The following MGAM variants were observed in gnomAD, a reference collection of about 807,000 sequenced individuals.
The protein encoded by MGAM is alpha-1,4-glucosidase.
Under a neutral mutation model 358.8 loss-of-function variants are expected in MGAM, and 253 were observed. That is an observed-to-expected ratio of 0.71 (90% confidence interval 0.64 to 0.78). MGAM has a LOEUF of 0.78. Among genes scored for constraint, MGAM ranks in the 30% least tolerant of loss-of-function variants. The pLI is 0.00. For synonymous variants in MGAM, 1,105 were observed against 1,227.1 expected, an observed-to-expected ratio of 0.90 and a Z score of 2.08; for missense variants, 3,080 against 3,432.6, an observed-to-expected ratio of 0.90 and a Z score of 2.57.
rs566342665 is a variant in MGAM at position 142,001,253 on chromosome 7, C to T, written c.-2-4276C>T. 2.6e-5 allele frequency among the ~76,000 whole-genome samples: 4 copies of T among 152,308 alleles called. No individual in the cohort carries two copies. In the South Asian group the frequency reaches 8.3e-4, roughly 32 times the overall value. ...CCTTGCTGTAGAGAAAGGTTGCTTT[C>T]ACAGCTCCATTTCCTTTTGCATAGT... On this transcript the variant is annotated intron_variant, in intron 1 of 70. Coordinates refer to ENST00000475668, the MANE Select transcript of MGAM (RefSeq NM_001365693.1).
rs782801521 is a variant in MGAM, at chr7:142,022,364, T to A, written c.807T>A (p.His269Gln). 3 of 1,613,590 alleles carry A rather than the reference T, an allele frequency of 1.9e-6. No homozygotes were observed. The highest frequency in any genetic ancestry group is 4.5e-5 in the East Asian group (2 of 44,866). ...PSTNVYGLGE[H>Q]VHQQYRHDMN... Reference sequence around the variant, plus strand: ...CTAACGTGTATGGCCTGGGAGAGCATGTGCACCAGCAGTATCGGCATGATA... The same window carrying A: ...CTAACGTGTATGGCCTGGGAGAGCAAGTGCACCAGCAGTATCGGCATGATA... The change falls in exon 7 of 71, where the codon CAT becomes CAA. Residue 269 changes from histidine (H) to glutamine (Q), a missense_variant. His to Gln is a conservative substitution (Grantham distance 24). Transcript: ENST00000475668.
At chr7:142,045,597 G>T (rs1490418886) in intron 21 of MGAM, among the ~76,000 whole-genome samples, 1 of 96,926 alleles carries the variant, frequency 1.0e-5, no homozygotes, top group Admixed American at 1.6e-4. Context: ...TACAATATAT[G>T]AATATATAAT....
chr7:142,102,595 G>T, intron 68 of MGAM, 35 bp from the exon 69 acceptor site: 2 of 1,600,782 alleles, frequency 1.2e-6, no homozygotes, highest in South Asian at 2.2e-5. Flanking sequence ...TACAGCACAG[G>T]TCCAGGCCAT....
Position 142,055,980 on chromosome 7 carries a change from T to C in MGAM, c.3484-20T>C. ...ATAATGTCTTTTAAACTCCTACTGC[T>C]TCTTCCCATGACTCCCCAGTACAAG... is the stretch of plus-strand genomic sequence containing the variant. On this transcript the variant is annotated intron_variant, in intron 28 of 70. Transcript: ENST00000475668. 6.3e-7 allele frequency: 1 copy of C among 1,598,792 alleles called. No individual in the cohort carries two copies. The highest frequency in any genetic ancestry group is 1.1e-5 in the South Asian group (1 of 89,084).
intron 2 of MGAM, among the ~76,000 whole-genome samples, chr7:141,986,753 T>A (rs1803720459): frequency 6.6e-6 from 1 of 152,186 alleles, no homozygotes; most frequent in Non-Finnish European, 1.5e-5. Context: ...TTGATTGAAA[T>A]TACTTACTCT....
rs1205206108 is a variant in MGAM, at chr7:142,078,391, A to G, written c.5567A>G (p.Asp1856Gly). The change falls in exon 48 of 71, where the codon GAT becomes GGT. Residue 1856 changes from aspartate to glycine, a missense_variant. Asp to Gly is a moderately conservative substitution (Grantham distance 94). Around this residue, in one of 5 missense-constraint regions of MGAM, gnomAD observed 932 missense variants for 1,198.2 expected, o/e 0.78. Coordinates refer to ENST00000475668, the MANE Select transcript of MGAM (RefSeq NM_001365693.1). ...YTVEWSIKIR[D>G]EEKIDCYPDE... ...GTGGAGTGGAGCATAAAGATAAGGG[A>G]TGAAGAAAAAATAGACTGTTACCCT... The G allele has an allele frequency of 2.0e-6, 3 of 1,530,400 alleles. No homozygotes were observed. Among genetic ancestry groups the G allele is most frequent in the Non-Finnish European group, 2.7e-6 (3 of 1,118,178 alleles). 94.8% of individuals were successfully genotyped at this position (1,530,400 alleles called of 1,614,324 possible). A position where few individuals can be genotyped will look rare whatever the true frequency, so the allele number is the denominator to read the frequency against.
chr7:142,067,984 A>ATT lies in MGAM; in HGVS notation c.5004+560_5004+561insTT, dbSNP rs1229871526. Among the ~76,000 whole-genome samples, 11 of 5,820 alleles carry ATT rather than the reference A, an allele frequency of 1.9e-3. 1 individual carries two copies. The highest frequency in any genetic ancestry group is 2.8e-3 in the African/African-American group (11 of 3,976). 3.8% of individuals were successfully genotyped at this position (5,820 alleles called of 152,430 possible). A position where few individuals can be genotyped will look rare whatever the true frequency, so the allele number is the denominator to read the frequency against. On this transcript the variant is annotated intron_variant, in intron 42 of 70. Coordinates refer to ENST00000475668, the MANE Select transcript of MGAM (RefSeq NM_001365693.1). The stretch of plus-strand genomic sequence containing the variant: ...TATATAAATATATATATATATATAT[A>ATT]TATTTTTTTTTTTTTTTTTTTGAGA...
At chr7:142,102,833 C>T (rs1370081578) in intron 69 of MGAM, among the ~76,000 whole-genome samples, 154 bp downstream of exon 69, 1 of 152,178 alleles carries the variant, frequency 6.6e-6, no homozygotes, top group Non-Finnish European at 1.5e-5. Context: ...TGGAAATTTA[C>T]TATGCTCCCA....
intron 24 of MGAM, 55 bp downstream of exon 24, chr7:142,050,919 T>C: frequency 6.2e-7 from 1 of 1,610,416 alleles, no homozygotes; most frequent in Non-Finnish European, 8.5e-7. Flanking sequence ...AGCATCGTGA[T>C]GTTCCTTCTT....
chr7:142,005,793 T>C, intron 2 of MGAM, 136 bp downstream of exon 2: 1 of 844,774 alleles, frequency 1.2e-6, no homozygotes, highest in South Asian at 1.8e-5. Flanking sequence ...GTGTGTTCTA[T>C]GTGTTTTGGA....
chr7:142,041,941 TATATATAC>T (rs1808695386), intron 21 of MGAM, among the ~76,000 whole-genome samples: 2 of 15,340 alleles, frequency 1.3e-4, no homozygotes, highest in Non-Finnish European at 2.8e-4. Flanking sequence ...ATATATATTA[TATATATAC>T]ATATATATAA....
rs183610725 is a variant in MGAM, at chr7:142,064,213, C to T, written c.4346-171C>T. ...AACTTGATGTTGGAAACACAGCAGG[C>T]GCCAATGCAGCTCAGAGCTGGGGGC... is the stretch of plus-strand genomic sequence containing the variant. On this transcript the variant is annotated intron_variant, in intron 36 of 70. Coordinates refer to ENST00000475668, the MANE Select transcript of MGAM (RefSeq NM_001365693.1). Among the ~76,000 whole-genome samples the T allele has an allele frequency of 1.6e-3, 250 of 152,282 alleles. 2 individuals carry two copies. The highest frequency in any genetic ancestry group is 2.7e-3 in the Non-Finnish European group (186 of 68,024).
At chr7:142,025,223 G>C in intron 8 of MGAM, 74 bp downstream of exon 8, 1 of 1,146,934 alleles carries the variant, frequency 8.7e-7, no homozygotes, top group South Asian at 1.3e-5. Context: ...TATGATAAAA[G>C]GAATGGATCC....
chr7:142,105,112 G>T (rs888221781), intron 70 of MGAM, among the ~76,000 whole-genome samples: 1 of 152,110 alleles, frequency 6.6e-6, no homozygotes, highest in Admixed American at 6.5e-5. Context: ...GACAGCATCT[G>T]CCTAGGAAGA....
At chr7:142,040,870 T>G (rs745695766) in intron 21 of MGAM, 24 bp downstream of exon 21, 1 of 1,581,828 alleles carries the variant, frequency 6.3e-7, no homozygotes, top group Non-Finnish European at 8.6e-7. Flanking sequence ...GGAGTGTCCT[T>G]TCAGAATTCA....
intron 57 of MGAM, among the ~76,000 whole-genome samples, chr7:142,089,568 T>C (rs113633492): frequency 0.027 from 3,889 of 146,110 alleles, 604 homozygotes; most frequent in South Asian, 0.055. Flanking sequence ...TTTGGGAGGC[T>C]GATCACGAGG....
chr7:142,095,670 GC>G lies in MGAM; in HGVS notation c.7567del (p.His2523ThrfsTer20). The G allele has an allele frequency of 1.2e-6, 2 of 1,613,972 alleles. No individual in the cohort carries two copies. On this transcript the variant is annotated frameshift_variant, in exon 64 of 71. Transcript: ENST00000475668. LOFTEE classifies it high-confidence loss of function. Reference sequence around the variant, plus strand: ...ATATCTGTATACCTTGATGCATAAGGCCCACACGGAGGGCGTCACTGTTGTG... The same window carrying G: ...ATATCTGTATACCTTGATGCATAAGGCCACACGGAGGGCGTCACTGTTGTG... Reference protein sequence around the residue: ...LPYLYTLMHKAHTEGVTVVRP... With the variant: ...LPYLYTLMHKXHTEGVTVVRP...
intron 5 of MGAM, 48 bp downstream of exon 5, chr7:142,021,131 T>C (rs1334194781): frequency 7.3e-7 from 1 of 1,374,316 alleles, no homozygotes; most frequent in Non-Finnish European, 1.0e-6. Context: ...AGACTTTTAT[T>C]CCCTATCGGA....
Position 142,054,896 on chromosome 7 carries a change from C to A in MGAM, c.3302C>A (p.Thr1101Lys). The A allele has an allele frequency of 6.2e-7, 1 of 1,613,734 alleles. No homozygotes were observed. The highest frequency in any genetic ancestry group is 8.5e-7 in the Non-Finnish European group (1 of 1,179,742). Residue 1101 changes from threonine to lysine, a missense_variant, in exon 27 of 71, where the codon ACA becomes AAA. This residue lies in a region of MGAM where 1,816 missense variants were observed against 1,840.5 expected (regional missense o/e 0.99). Coordinates refer to ENST00000475668, the MANE Select transcript of MGAM (RefSeq NM_001365693.1). ...PFGIEIRRKS[T>K]GTIIWDSQLL... ...GGGATTGAAATTCGCCGGAAGAGTA[C>A]AGGCACTATAATGTGAGTGGCTTCT... is the stretch of plus-strand genomic sequence containing the variant.
Sources: gnomAD v4.1 joint callset for allele counts (sites outside exome capture counted in the v4.1 genomes callset) on GRCh38, gnomAD v4.1.1 for gene constraint, gnomAD v4.1.1 regional missense constraint, MANE v1.5 for transcripts, NCBI Gene and HGNC (gene_info 2026-07-23, HGNC 2026-07-21) for gene names.